Variants in DOCK3 observed in about 807,000 individuals in gnomAD.
The protein encoded by DOCK3 is dedicator of cytokinesis protein 3.
Under a neutral mutation model 265.6 loss-of-function variants are expected in DOCK3, and 60 were observed. The ratio of observed to expected loss-of-function variants is 0.23; its 90% CI spans 0.18 to 0.28. DOCK3 has a LOEUF of 0.28. Ranked by LOEUF, DOCK3 falls within the 10% of genes least tolerant of loss-of-function variation. The probability of loss-of-function intolerance (pLI) is 1.00; values close to 1 mark genes in which losing one functional copy is unlikely to be tolerated. For synonymous variants in DOCK3, 881 were observed against 938.0 expected (o/e 0.94, Z 1.11); for missense variants, 1,981 against 2,594.3 (o/e 0.76, Z 5.14).
chr3:50,877,989 C>T (rs964417381), intron 3 of DOCK3, among the ~76,000 whole-genome samples: 4 of 152,238 alleles, frequency 2.6e-5, no homozygotes, highest in Non-Finnish European at 4.4e-5. Context: ...GCAGCCTCCG[C>T]TGGTGATACC....
intron 12 of DOCK3, among the ~76,000 whole-genome samples, chr3:51,191,129 A>G (rs541648081): frequency 2.0e-3 from 310 of 152,008 alleles, no homozygotes; most frequent in African/African-American, 7.3e-3. Context: ...GTCCCAGGCT[A>G]TAAATCTTCC....
chr3:50,914,527 A>C (rs1016104809), intron 4 of DOCK3, among the ~76,000 whole-genome samples: 1 of 152,064 alleles, frequency 6.6e-6, no homozygotes, highest in Non-Finnish European at 1.5e-5. Flanking sequence ...TGTTGTTGAT[A>C]TGTAGTTTTA....
intron 1 of DOCK3, among the ~76,000 whole-genome samples, chr3:50,754,474 G>A (rs1223978344): frequency 6.6e-6 from 1 of 151,624 alleles, no homozygotes; most frequent in Non-Finnish European, 1.5e-5. Context: ...TTGAAAAAAT[G>A]TTGCGGGAAC....
intron 3 of DOCK3, among the ~76,000 whole-genome samples, chr3:50,870,253 CT>C (rs2047370771): frequency 6.6e-6 from 1 of 152,112 alleles, no homozygotes; most frequent in African/African-American, 2.4e-5. Context: ...CTATCTTTCT[CT>C]TTTGCTCTAA....
At chr3:51,079,375 A>G (rs1441352499) in intron 7 of DOCK3, among the ~76,000 whole-genome samples, 2 of 152,008 alleles carry the variant, frequency 1.3e-5, no homozygotes, top group Non-Finnish European at 1.5e-5. Context: ...CTTTGTTGCC[A>G]TGGCTGGAGT....
intron 5 of DOCK3, among the ~76,000 whole-genome samples, chr3:50,938,258 G>A (rs1238897508): frequency 6.6e-6 from 1 of 152,008 alleles, no homozygotes; most frequent in Non-Finnish European, 1.5e-5. Flanking sequence ...TCTAACAGAG[G>A]TGCAAAATAA....
At chr3:50,965,099 T>A (rs1261437569) in intron 5 of DOCK3, among the ~76,000 whole-genome samples, 1 of 152,110 alleles carries the variant, frequency 6.6e-6, no homozygotes, top group African/African-American at 2.4e-5. Flanking sequence ...ATAAAAGTAA[T>A]AGAGTTCACA....
chr3:50,890,966 C>T (rs189020353), intron 4 of DOCK3, among the ~76,000 whole-genome samples: 88 of 152,052 alleles, frequency 5.8e-4, no homozygotes, highest in African/African-American at 2.0e-3. Context: ...GTGGAGATAC[C>T]GAAACCCAGG....
At chr3:51,362,398 A>G in intron 48 of DOCK3, 129 bp from the exon 49 acceptor site, 1 of 1,253,780 alleles carries the variant, frequency 8.0e-7, no homozygotes, top group East Asian at 2.5e-5. Context: ...CCTGGCCTCC[A>G]TCAGGGCTCA....
rs532455820 is a variant in DOCK3 at position 50,680,219 on chromosome 3, T to C, written c.37+4919T>C. Reference sequence around the variant, plus strand: ...ACTATTTTTTTCTTTTTCTTTCTTTTTTTTTTTTTTTAGACAGAGTCTTGC... The same window carrying C: ...ACTATTTTTTTCTTTTTCTTTCTTTCTTTTTTTTTTTAGACAGAGTCTTGC... On this transcript the variant is annotated intron_variant, in intron 1 of 52. Transcript: ENST00000266037. 6.9e-4 allele frequency among the ~76,000 whole-genome samples: 104 copies of C among 151,136 alleles called. No homozygotes were observed. The South Asian group carries it at 0.012, about 17-fold the overall frequency.
At chr3:51,186,593 A>G (rs1288207812) in intron 12 of DOCK3, among the ~76,000 whole-genome samples, 1 of 152,224 alleles carries the variant, frequency 6.6e-6, no homozygotes. Flanking sequence ...TCTTCATGGC[A>G]GCCCCTCCCA....
At chr3:51,209,942 C>T (rs1003054579) in intron 13 of DOCK3, among the ~76,000 whole-genome samples, 2 of 152,088 alleles carry the variant, frequency 1.3e-5, no homozygotes, top group African/African-American at 2.4e-5. Flanking sequence ...CCAAGTAGCT[C>T]CATGCAGTGT....
intron 3 of DOCK3, among the ~76,000 whole-genome samples, chr3:50,848,468 C>T (rs953454755): frequency 1.3e-5 from 2 of 152,182 alleles, no homozygotes; most frequent in African/African-American, 4.8e-5. Flanking sequence ...TAAGGATCTC[C>T]TGTAAGCCTG....
rs1049201472 is a variant in DOCK3 at position 50,905,936 on chromosome 3, C to T, written c.218+15855C>T. On this transcript the variant is annotated intron_variant, in intron 4 of 52. Coordinates refer to ENST00000266037, the MANE Select transcript of DOCK3 (RefSeq NM_004947.5). ...GCTCTTATTATTTTGAGATACATCC[C>T]ATCAATACCTAATTTATTGAGAGTT... Among the ~76,000 whole-genome samples the T allele has an allele frequency of 1.1e-3, 160 of 152,082 alleles. 1 individual carries two copies. Among genetic ancestry groups the T allele is most frequent in the Non-Finnish European group, 1.8e-3 (124 of 68,004 alleles).
intron 12 of DOCK3, among the ~76,000 whole-genome samples, chr3:51,187,680 C>T (rs1012647374): frequency 5.4e-5 from 8 of 149,386 alleles, no homozygotes; most frequent in African/African-American, 2.0e-4. Flanking sequence ...GCAGGTCTTT[C>T]TTGTGCTGTT....
At chr3:51,266,621 C>T (rs1247477673) in intron 23 of DOCK3, among the ~76,000 whole-genome samples, 1 of 152,142 alleles carries the variant, frequency 6.6e-6, no homozygotes, top group African/African-American at 2.4e-5. Context: ...ACTGGCTAGC[C>T]ATATGCAGAA....
chr3:50,804,753 G>GGGGAGA (rs1487463900), intron 2 of DOCK3, among the ~76,000 whole-genome samples: 2 of 151,898 alleles, frequency 1.3e-5, no homozygotes, highest in African/African-American at 4.8e-5. Flanking sequence ...GAGAGACCGT[G>GGGGAGA]GGGAGAGGGA....
intron 7 of DOCK3, among the ~76,000 whole-genome samples, chr3:51,086,951 A>G (rs1399911085): frequency 6.6e-6 from 1 of 152,246 alleles, no homozygotes; most frequent in Non-Finnish European, 1.5e-5. Flanking sequence ...TGAATAGACC[A>G]GTAACAAGAA....
At chr3:50,955,505 A>G (rs2076706768) in intron 5 of DOCK3, among the ~76,000 whole-genome samples, 1 of 152,202 alleles carries the variant, frequency 6.6e-6, no homozygotes, top group Non-Finnish European at 1.5e-5. Context: ...ATACAGCCAT[A>G]AAAAAGAATG....
Sources: allele counts gnomAD v4.1 joint callset (sites outside exome capture counted in the v4.1 genomes callset), GRCh38; gene constraint gnomAD v4.1.1; transcripts MANE v1.5; gene names NCBI Gene and HGNC (gene_info 2026-07-23, HGNC 2026-07-21).